CAMK1D: variants seen among roughly 807,000 people sequenced by gnomAD.
CAMK1D encodes calcium/calmodulin dependent protein kinase ID.
CAMK1D carries 9 observed loss-of-function variants against 47.7 expected under a neutral mutation model. The ratio of observed to expected loss-of-function variants is 0.19; its 90% CI spans 0.11 to 0.33. CAMK1D has a LOEUF of 0.33. Among genes scored for constraint, CAMK1D ranks in the 10% least tolerant of loss-of-function variants. The pLI, the probability that CAMK1D is intolerant of heterozygous loss-of-function variation, is 1.00. For missense variants in CAMK1D, 291 were observed against 488.7 expected, an observed-to-expected ratio of 0.60 and a Z score of 3.81; for synonymous variants, 184 against 184.9, an observed-to-expected ratio of 0.99 and a Z score of 0.04.
At chr10:12,408,708 G>A (rs1029193401) in intron 1 of CAMK1D, among the ~76,000 whole-genome samples, 3 of 152,138 alleles carry the variant, frequency 2.0e-5, no homozygotes, top group African/African-American at 7.2e-5. Context: ...TGCAAGGCCC[G>A]CTTTCTCCTC....
chr10:12,669,423 A>T (rs1301116119), intron 3 of CAMK1D, among the ~76,000 whole-genome samples: 1 of 152,188 alleles, frequency 6.6e-6, no homozygotes, highest in Admixed American at 6.5e-5. Flanking sequence ...AAGGAAAAAA[A>T]ATTTGCGCAG....
At chr10:12,804,064 C>T (rs541863395) in intron 6 of CAMK1D, among the ~76,000 whole-genome samples, 2 of 152,240 alleles carry the variant, frequency 1.3e-5, no homozygotes, top group East Asian at 3.9e-4. Flanking sequence ...TTGAAGTTTC[C>T]TTGTGTTCAT....
At chr10:12,508,628 G>C (rs1174814180) in intron 1 of CAMK1D, among the ~76,000 whole-genome samples, 2 of 152,164 alleles carry the variant, frequency 1.3e-5, no homozygotes, top group Non-Finnish European at 2.9e-5. Flanking sequence ...AGCTGAAAAT[G>C]GTAAAAATGG....
At chr10:12,799,187 CG>C (rs1564570454) in intron 6 of CAMK1D, among the ~76,000 whole-genome samples, 1 of 152,180 alleles carries the variant, frequency 6.6e-6, no homozygotes, top group African/African-American at 2.4e-5. Flanking sequence ...ATGTGGTGCA[CG>C]GTGCCACCTT....
chr10:12,538,578 A>G (rs181193243), intron 1 of CAMK1D, among the ~76,000 whole-genome samples: 2 of 152,302 alleles, frequency 1.3e-5, no homozygotes, highest in East Asian at 3.9e-4. Flanking sequence ...TCCAGAACGT[A>G]TTGCTGACAT....
At chr10:12,387,576 G>A (rs895929959) in intron 1 of CAMK1D, among the ~76,000 whole-genome samples, 4 of 145,876 alleles carry the variant, frequency 2.7e-5, no homozygotes, top group Non-Finnish European at 4.5e-5. Flanking sequence ...GTGCAATCTC[G>A]GCTCACTGCA....
chr10:12,725,424 A>C (rs1834578609), intron 3 of CAMK1D: 2 of 155,218 alleles, frequency 1.3e-5, no homozygotes, highest in African/African-American at 4.8e-5. Context: ...CTTCCTCAAC[A>C]CTAAAGGACA....
intron 8 of CAMK1D, among the ~76,000 whole-genome samples, chr10:12,818,393 G>A (rs1013489153): frequency 1.3e-5 from 2 of 152,176 alleles, no homozygotes; most frequent in Non-Finnish European, 2.9e-5. Flanking sequence ...AGAGATGGCC[G>A]GGAGTGGTGG....
At position 12,370,191 on chromosome 10, in the gene CAMK1D, C is replaced by T. The variant is rs995533736; in HGVS notation, c.92+20281C>T. Among the ~76,000 whole-genome samples, 4 of 152,090 alleles carry T rather than the reference C, an allele frequency of 2.6e-5. No individual in the cohort carries two copies. In the East Asian group the frequency reaches 5.8e-4, roughly 22 times the overall value. Reference sequence around the variant, plus strand: ...GGAAGCATTCCTGTTGCCTCGTTGTCGCTGTCATGATGTTGTGGTGCCATG... The same window carrying T: ...GGAAGCATTCCTGTTGCCTCGTTGTTGCTGTCATGATGTTGTGGTGCCATG... On this transcript the variant is annotated intron_variant, in intron 1 of 10. Coordinates refer to ENST00000619168, the MANE Select transcript of CAMK1D (RefSeq NM_153498.4).
At chr10:12,611,588 CTTTTT>C (rs71386105) in intron 2 of CAMK1D, among the ~76,000 whole-genome samples, 4,103 of 59,886 alleles carry the variant, frequency 0.069, 239 homozygotes, top group African/African-American at 0.18. Flanking sequence ...TTCAGAATGC[CTTTTT>C]TTTTTTTTTT....
intron 2 of CAMK1D, among the ~76,000 whole-genome samples, chr10:12,632,986 CCTGG>C (rs1404501568): frequency 1.3e-5 from 2 of 152,174 alleles, no homozygotes; most frequent in Non-Finnish European, 2.9e-5. Context: ...AGCCACGGCG[CCTGG>C]CTGAGTGTCC....
chr10:12,581,036 C>G (rs1432865462), intron 2 of CAMK1D, among the ~76,000 whole-genome samples: 2 of 152,054 alleles, frequency 1.3e-5, no homozygotes, highest in East Asian at 3.9e-4. Flanking sequence ...TATCCCTTAC[C>G]CATCCCCACC....
chr10:12,557,673 CT>C (rs1225966671), intron 2 of CAMK1D, among the ~76,000 whole-genome samples: 1 of 152,050 alleles, frequency 6.6e-6, no homozygotes, highest in Non-Finnish European at 1.5e-5. Context: ...GATTTCCACA[CT>C]ATTTTTGCTT....
chr10:12,533,353 G>A (rs902514936), intron 1 of CAMK1D, among the ~76,000 whole-genome samples: 5 of 152,170 alleles, frequency 3.3e-5, no homozygotes, highest in African/African-American at 1.2e-4. Flanking sequence ...TTGAATGGAA[G>A]GAAGTGGCTC....
At chr10:12,642,452 AG>A (rs1402210563) in intron 2 of CAMK1D, among the ~76,000 whole-genome samples, 2 of 152,248 alleles carry the variant, frequency 1.3e-5, no homozygotes, top group African/African-American at 4.8e-5. Flanking sequence ...GCTGCTGAGC[AG>A]TGGATTGTGT....
intron 2 of CAMK1D, among the ~76,000 whole-genome samples, chr10:12,619,327 G>A (rs965971964): frequency 2.0e-5 from 3 of 151,656 alleles, no homozygotes. Context: ...GTCTTGCTCT[G>A]TTGCCCAGGC....
At chr10:12,645,020 A>G (rs1418248867) in intron 2 of CAMK1D, among the ~76,000 whole-genome samples, 3 of 150,852 alleles carry the variant, frequency 2.0e-5, no homozygotes, top group Non-Finnish European at 4.4e-5. Flanking sequence ...TTTGCAAAGC[A>G]GTTGCTTTCT....
chr10:12,456,027 T>G lies in CAMK1D; in HGVS notation c.93-97198T>G, dbSNP rs572851402. 3.3e-5 allele frequency among the ~76,000 whole-genome samples: 5 copies of G among 152,302 alleles called. No individual in the cohort carries two copies. In the South Asian group the frequency reaches 1.0e-3, roughly 32 times the overall value. The stretch of plus-strand genomic sequence containing the variant: ...TCTGAGATTCTCATGTGAAAGTACA[T>G]TGTTTCCTCATGCCTTCTCCAGAAG... On this transcript the variant is annotated intron_variant, in intron 1 of 10. Coordinates refer to ENST00000619168, the MANE Select transcript of CAMK1D (RefSeq NM_153498.4).
intron 3 of CAMK1D, among the ~76,000 whole-genome samples, chr10:12,702,769 G>A (rs143341011): frequency 2.0e-5 from 3 of 152,328 alleles, no homozygotes; most frequent in Non-Finnish European, 4.4e-5. Context: ...TGGGGAGAGA[G>A]AGGTAAAGAA....
Sources: allele counts gnomAD v4.1 joint callset (sites outside exome capture counted in the v4.1 genomes callset), GRCh38; gene constraint gnomAD v4.1.1; transcripts MANE v1.5; gene names NCBI Gene and HGNC (gene_info 2026-07-23, HGNC 2026-07-21).